Variants in ENPP1 observed in about 807,000 individuals in gnomAD.
ENPP1 encodes the protein ectonucleotide pyrophosphatase/phosphodiesterase family member 1.
In ENPP1, 73 loss-of-function variants were observed where a neutral mutation model predicts 122.8. That is an observed-to-expected ratio of 0.59 (90% confidence interval 0.49 to 0.72). ENPP1 has a LOEUF of 0.72. ENPP1 is among the 30% of genes least tolerant of loss of function. The probability of loss-of-function intolerance (pLI) is 0.00; values close to 1 mark genes in which losing one functional copy is unlikely to be tolerated. For synonymous variants in ENPP1, 367 were observed against 391.6 expected, an observed-to-expected ratio of 0.94 and a Z score of 0.74; for missense variants, 978 against 1,128.1, an observed-to-expected ratio of 0.87 and a Z score of 1.91.
intron 6 of ENPP1, among the ~76,000 whole-genome samples, chr6:131,856,088 AT>A (rs1781942313): frequency 6.6e-6 from 1 of 152,092 alleles, no homozygotes; most frequent in Non-Finnish European, 1.5e-5. Context: ...AGTTTTAAAA[AT>A]TTTTAGTTTT....
intron 1 of ENPP1, among the ~76,000 whole-genome samples, chr6:131,840,226 G>A (rs532179099): frequency 9.2e-5 from 14 of 152,312 alleles, no homozygotes; most frequent in Admixed American, 6.5e-4. Context: ...GAAGGCCACT[G>A]TATACCTATA....
chr6:131,839,229 T>A (rs1781711912), intron 1 of ENPP1, among the ~76,000 whole-genome samples: 1 of 152,208 alleles, frequency 6.6e-6, no homozygotes, highest in Non-Finnish European at 1.5e-5. Context: ...AAGTTTTGTA[T>A]ATGTCTTTTT....
At chr6:131,838,923 T>A (rs1470910225) in intron 1 of ENPP1, among the ~76,000 whole-genome samples, 16 of 152,146 alleles carry the variant, frequency 1.1e-4, no homozygotes, top group Non-Finnish European at 7.4e-5. Context: ...CAAGAACAAT[T>A]AGAAAATCTA....
chr6:131,845,549 C>T (rs1003223695), intron 1 of ENPP1, among the ~76,000 whole-genome samples: 22 of 150,998 alleles, frequency 1.5e-4, no homozygotes, highest in East Asian at 5.8e-4. Context: ...CTCCGCCTCC[C>T]GGGTTCAAGC....
intron 2 of ENPP1, among the ~76,000 whole-genome samples, chr6:131,848,567 A>G (rs1781842803): frequency 6.6e-6 from 1 of 152,154 alleles, no homozygotes; most frequent in Admixed American, 6.5e-5. Context: ...GTACTGTTGA[A>G]AAGTAGTAAT....
rs751780517 is a variant in ENPP1, at chr6:131,876,993, T to A, written c.1725T>A (p.Asp575Glu). Residue 575 changes from aspartate (D) to glutamate (E), a missense_variant and splice_region_variant, in exon 18 of 25, where the codon GAT becomes GAA. Asp to Glu is a conservative substitution (Grantham distance 45). Around this residue, in one of 3 missense-constraint regions of ENPP1, gnomAD observed 644 missense variants for 781.5 expected, o/e 0.82. Transcript: ENST00000647893. The stretch of plus-strand genomic sequence containing the variant: ...CTCTACCATCTTGAAATTATGCAGA[T>A]TTACTGAATTTGACACCGGCTCCTA... ...ENIEVYNLMC[D>E]LLNLTPAPNN... 7 of 1,613,736 alleles carry A rather than the reference T, an allele frequency of 4.3e-6. No individual in the cohort carries two copies. Among genetic ancestry groups the A allele is most frequent in the Non-Finnish European group, 8.5e-7 (1 of 1,179,638 alleles).
rs1212315964 is a variant in ENPP1, at chr6:131,852,208, G to A, written c.590G>A (p.Ser197Asn). ...AGTTGGGTAGAAGAACCATGTGAGA[G>A]CATTAATGAGCCACAGTGCCCAGCA... ...EKSWVEEPCE[S>N]INEPQCPAGF... The change falls in exon 5 of 25, where the codon AGC (serine) becomes AAC (asparagine). Residue 197 changes from serine to asparagine, a missense_variant. Physicochemically the swap from Ser to Asn is conservative, Grantham distance 46. Transcript: ENST00000647893. The A allele has an allele frequency of 1.2e-6, 2 of 1,607,594 alleles. No individual in the cohort carries two copies. Among genetic ancestry groups the A allele is most frequent in the African/African-American group, 1.3e-5 (1 of 74,800 alleles).
At chr6:131,809,711 T>C (rs537073890) in intron 1 of ENPP1, among the ~76,000 whole-genome samples, 4 of 152,388 alleles carry the variant, frequency 2.6e-5, no homozygotes, top group African/African-American at 4.8e-5. Flanking sequence ...GTAACTCTTG[T>C]GTAAAACCAT....
intron 1 of ENPP1, among the ~76,000 whole-genome samples, chr6:131,836,079 G>A (rs1781670087): frequency 6.6e-6 from 1 of 151,148 alleles, no homozygotes; most frequent in South Asian, 2.1e-4. Context: ...AGATGTGACA[G>A]AAAGCACAAA....
chr6:131,836,415 A>AGTGTGTGTGT (rs71809355), intron 1 of ENPP1, among the ~76,000 whole-genome samples: 12 of 150,530 alleles, frequency 8.0e-5, no homozygotes, highest in African/African-American at 2.7e-4. Flanking sequence ...CACCCAGCCG[A>AGTGTGTGTGT]GTGTGTGTGT....
At chr6:131,873,854 T>G (rs1782194603) in intron 15 of ENPP1, among the ~76,000 whole-genome samples, 1 of 152,010 alleles carries the variant, frequency 6.6e-6, no homozygotes. Flanking sequence ...TGGTCCTATC[T>G]TCATGAGAGA....
chr6:131,861,758 T>G, intron 9 of ENPP1, 54 bp downstream of exon 9: 1 of 980,890 alleles, frequency 1.0e-6, no homozygotes, highest in Non-Finnish European at 1.6e-6. Context: ...CTTATTCTTA[T>G]GTAATCTCCT....
At chr6:131,855,173 A>G in intron 6 of ENPP1, 150 bp downstream of exon 6, 2 of 691,738 alleles carry the variant, frequency 2.9e-6, no homozygotes, top group South Asian at 1.6e-5. Context: ...TAAGGCGCTT[A>G]TCTTTAATAG....
Position 131,884,956 on chromosome 6 carries a change from C to T in ENPP1, c.2337C>T (p.Thr779=). ...TTATATGGCGCTACTTTCATGACAC[C>T]CTACTGCGAAAGTATGCTGAAGAAA... ...FQVIWRYFHD[T]LLRKYAEERN... The change falls in exon 23 of 25, where the codon ACC becomes ACT. Residue 779 remains threonine, a synonymous_variant. Transcript: ENST00000647893. 2.5e-6 allele frequency: 4 copies of T among 1,614,010 alleles called. No homozygotes were observed. Among genetic ancestry groups the T allele is most frequent in the Non-Finnish European group, 3.4e-6 (4 of 1,179,928 alleles).
chr6:131,818,799 G>A (rs2114656542), intron 1 of ENPP1, among the ~76,000 whole-genome samples: 1 of 152,198 alleles, frequency 6.6e-6, no homozygotes. Flanking sequence ...AAAAGCAGCT[G>A]TGCGGTTGTT....
At chr6:131,823,564 A>T (rs372863404) in intron 1 of ENPP1, among the ~76,000 whole-genome samples, 46 of 151,732 alleles carry the variant, frequency 3.0e-4, no homozygotes, top group African/African-American at 1.1e-3. Context: ...CTTTGTACAG[A>T]TTATATCTGT....
chr6:131,862,601 T>C (rs1018423901), intron 9 of ENPP1, among the ~76,000 whole-genome samples: 1 of 152,160 alleles, frequency 6.6e-6, no homozygotes, highest in Non-Finnish European at 1.5e-5. Context: ...GATGGAATTA[T>C]AGGGGATCAA....
intron 16 of ENPP1, among the ~76,000 whole-genome samples, chr6:131,875,328 C>T (rs1476084237): frequency 1.3e-5 from 2 of 151,974 alleles, no homozygotes; most frequent in Non-Finnish European, 2.9e-5. Context: ...TATTGCTTTA[C>T]AGTTGAAGAA....
chr6:131,808,156 G>GATAAGCTT lies in ENPP1; in HGVS notation c.121_122insATAAGCTT (p.Gly41AspfsTer50). On this transcript the variant is annotated frameshift_variant, in exon 1 of 25. Transcript: ENST00000647893. LOFTEE classifies it high-confidence loss of function. ...CCGCAGCCACGCTGCCGAGGCGCCCGGGGACCCGCAGGCGGCCGCGTCCTT... is the reference window on the plus strand; with the variant it reads ...CCGCAGCCACGCTGCCGAGGCGCCCGATAAGCTTGGGACCCGCAGGCGGCCGCGTCCTT... The GATAAGCTT allele has an allele frequency of 6.9e-7, 1 of 1,447,310 alleles. No homozygotes were observed. The highest frequency in any genetic ancestry group is 3.0e-5 in the East Asian group (1 of 33,136). The allele number at this position is 1,447,310 out of a possible 1,614,324, so 89.7% of individuals were successfully genotyped here. A position where few individuals can be genotyped will look rare whatever the true frequency, so the allele number is the denominator to read the frequency against.
Sources: allele counts gnomAD v4.1 joint callset (sites outside exome capture counted in the v4.1 genomes callset), GRCh38; gene constraint gnomAD v4.1.1; regional missense constraint gnomAD v4.1.1; transcripts MANE v1.5; gene names NCBI Gene and HGNC (gene_info 2026-07-23, HGNC 2026-07-21).